Variants in CTNND2 observed in about 807,000 individuals in gnomAD.
The protein encoded by CTNND2 is catenin delta-2.
A neutral mutation model predicts 144.4 loss-of-function variants in CTNND2; 22 were observed. The observed-to-expected ratio is 0.15, with a 90% CI of 0.11 to 0.22. The LOEUF is 0.22. CTNND2 is among the 10% of genes least tolerant of loss of function. The probability of loss-of-function intolerance (pLI) is 1.00; values close to 1 mark genes in which losing one functional copy is unlikely to be tolerated. For missense variants in CTNND2, 1,353 were observed against 1,618.8 expected (o/e 0.84, Z 2.82); for synonymous variants, 751 against 695.6 (o/e 1.08, Z -1.25).
In CTNND2 at chr5:11,140,426, C is replaced by T. The variant is rs182991742; in HGVS notation, c.2159+19150G>A. ...TCTATTGATTAATTGGAATGCAATG[C>T]TATCTGATTACATTCAAACGATTGT... On this transcript the variant is annotated intron_variant, in intron 12 of 21. Transcript: ENST00000304623. Among the ~76,000 whole-genome samples the T allele has an allele frequency of 5.3e-5, 8 of 152,336 alleles. No homozygotes were observed. In the East Asian group the frequency reaches 1.2e-3, roughly 22 times the overall value.
intron 2 of CTNND2, among the ~76,000 whole-genome samples, chr5:11,578,234 T>A (rs1032045151): frequency 6.6e-6 from 1 of 152,342 alleles, no homozygotes; most frequent in Admixed American, 6.5e-5. Context: ...GAGTTATTAT[T>A]AAAATTGTAC....
chr5:11,103,692 A>T (rs1032094508), intron 14 of CTNND2, among the ~76,000 whole-genome samples: 5 of 151,422 alleles, frequency 3.3e-5, no homozygotes, highest in African/African-American at 1.2e-4. Flanking sequence ...AAACAAAAAA[A>T]CCCCTGAAAG....
At chr5:11,733,052 A>AT (rs1222510148) in intron 1 of CTNND2, among the ~76,000 whole-genome samples, 6 of 152,136 alleles carry the variant, frequency 3.9e-5, no homozygotes, top group Admixed American at 3.9e-4. Context: ...CTCTTCCCCC[A>AT]TAACTCGCCC....
chr5:11,280,645 C>T (rs747212670), intron 9 of CTNND2, among the ~76,000 whole-genome samples: 1 of 152,084 alleles, frequency 6.6e-6, no homozygotes, highest in Non-Finnish European at 1.5e-5. Context: ...GTTAGGGCTT[C>T]GACATATACA....
chr5:11,879,376 A>ATATATGTAT (rs1735856769), intron 1 of CTNND2, among the ~76,000 whole-genome samples: 2 of 80,512 alleles, frequency 2.5e-5, no homozygotes, highest in Non-Finnish European at 5.8e-5. Context: ...CACACACACA[A>ATATATGTAT]ACATATACAT....
At position 11,034,979 on chromosome 5, in the gene CTNND2, G is replaced by A. The variant is rs549666116; in HGVS notation, c.2789-12000C>T. 2.7e-5 allele frequency among the ~76,000 whole-genome samples: 4 copies of A among 150,782 alleles called. No individual in the cohort carries two copies. In the East Asian group the frequency reaches 7.9e-4, roughly 30 times the overall value. ...GCTGGTGCGCTGCACCCACTAACTCGTCATCTAGCATTAGGTATATCTCCC... is the reference window on the plus strand; with the variant it reads ...GCTGGTGCGCTGCACCCACTAACTCATCATCTAGCATTAGGTATATCTCCC... On this transcript the variant is annotated intron_variant, in intron 16 of 21. Coordinates refer to ENST00000304623, the MANE Select transcript of CTNND2 (RefSeq NM_001332.4).
At chr5:11,846,780 C>G (rs1463759606) in intron 1 of CTNND2, among the ~76,000 whole-genome samples, 1 of 151,662 alleles carries the variant, frequency 6.6e-6, no homozygotes, top group Admixed American at 6.6e-5. Flanking sequence ...TTAAAACGGG[C>G]AAAAGACCCA....
intron 3 of CTNND2, among the ~76,000 whole-genome samples, chr5:11,416,067 G>A (rs6862682): frequency 0.034 from 5,207 of 152,224 alleles, 295 homozygotes; most frequent in African/African-American, 0.11. Flanking sequence ...AAACAAAAAG[G>A]TGAATTCCTA....
chr5:11,342,384 C>A (rs1488771972), intron 9 of CTNND2, among the ~76,000 whole-genome samples: 1 of 152,130 alleles, frequency 6.6e-6, no homozygotes, highest in African/African-American at 2.4e-5. Context: ...TTTGATAGAG[C>A]CGACTGAAAG....
chr5:11,468,590 G>A (rs764618375), intron 3 of CTNND2, among the ~76,000 whole-genome samples: 13 of 152,074 alleles, frequency 8.5e-5, no homozygotes, highest in Non-Finnish European at 1.8e-4. Context: ...AAGGGTGCTC[G>A]GACAATACTG....
intron 1 of CTNND2, among the ~76,000 whole-genome samples, chr5:11,879,157 G>A (rs909037312): frequency 6.6e-6 from 1 of 151,826 alleles, no homozygotes; most frequent in Non-Finnish European, 1.5e-5. Context: ...CGGGACAGAT[G>A]TGTCTATGAA....
chr5:11,554,549 A>G (rs537192805), intron 3 of CTNND2, among the ~76,000 whole-genome samples: 54 of 152,334 alleles, frequency 3.5e-4, no homozygotes, highest in African/African-American at 1.0e-3. Context: ...AATAAAAACA[A>G]TAAGACTTTA....
At chr5:11,363,005 A>G (rs1458248072) in intron 8 of CTNND2, among the ~76,000 whole-genome samples, 1 of 152,254 alleles carries the variant, frequency 6.6e-6, no homozygotes. Context: ...TGAATTTCAT[A>G]TAATTTTCAC....
chr5:11,279,010 G>T (rs917442013), intron 9 of CTNND2, among the ~76,000 whole-genome samples: 2 of 152,114 alleles, frequency 1.3e-5, no homozygotes, highest in East Asian at 1.9e-4. Flanking sequence ...GTAGACTAGC[G>T]TATAGACTGG....
At chr5:11,454,593 T>TC (rs1765574763) in intron 3 of CTNND2, among the ~76,000 whole-genome samples, 1 of 142,234 alleles carries the variant, frequency 7.0e-6, no homozygotes, top group African/African-American at 3.1e-5. Flanking sequence ...ACAGAAAGTT[T>TC]TTTTTCCTTT....
At chr5:11,348,498 T>A (rs145986861) in intron 8 of CTNND2, among the ~76,000 whole-genome samples, 8 of 150,824 alleles carry the variant, frequency 5.3e-5, no homozygotes, top group Non-Finnish European at 1.0e-4. Context: ...TTCATAGATG[T>A]GCATTTTTTT....
chr5:11,432,821 G>A (rs900676122), intron 3 of CTNND2, among the ~76,000 whole-genome samples: 1 of 152,164 alleles, frequency 6.6e-6, no homozygotes, highest in Non-Finnish European at 1.5e-5. Context: ...TTTCTCTAAA[G>A]GGGCTGAAAT....
At chr5:11,446,051 A>C (rs1764771859) in intron 3 of CTNND2, among the ~76,000 whole-genome samples, 1 of 152,192 alleles carries the variant, frequency 6.6e-6, no homozygotes. Context: ...GGCTCACTGC[A>C]GCCTTCGCCT....
intron 3 of CTNND2, among the ~76,000 whole-genome samples, chr5:11,414,017 A>C (rs1761738326): frequency 6.6e-6 from 1 of 152,206 alleles, no homozygotes; most frequent in African/African-American, 2.4e-5. Context: ...TAATCTTCAG[A>C]TGAGGTCATC....
Sources: allele counts gnomAD v4.1 joint callset (sites outside exome capture counted in the v4.1 genomes callset), GRCh38; gene constraint gnomAD v4.1.1; transcripts MANE v1.5; gene names NCBI Gene and HGNC (gene_info 2026-07-23, HGNC 2026-07-21).